The following PARPBP variants were observed in gnomAD, a reference collection of about 807,000 sequenced individuals.
The protein encoded by PARPBP is PCNA-interacting partner.
In PARPBP, 52 loss-of-function variants were observed where a neutral mutation model predicts 50.0. The ratio of observed to expected loss-of-function variants is 1.04; its 90% CI spans 0.83 to 1.31. PARPBP has a LOEUF of 1.31. PARPBP is among the 50% of genes most tolerant of loss of function. The pLI, the probability that PARPBP is intolerant of heterozygous loss-of-function variation, is 0.00. For missense variants in PARPBP, 697 were observed against 672.0 expected (o/e 1.04, Z -0.41); for synonymous variants, 244 against 232.1 (o/e 1.05, Z -0.47).
Position 102,197,052 on chromosome 12 carries a change from A to T in PARPBP, c.*761A>T, listed in dbSNP as rs1891373031. 2 of 1,612,024 alleles carry T rather than the reference A, an allele frequency of 1.2e-6. No homozygotes were observed. The highest frequency in any genetic ancestry group is 1.7e-6 in the Non-Finnish European group (2 of 1,178,574). ...TTTCTCTCTTTTCTTGTGTTGATTC[A>T]GTATTCTGAACTCCATTCTCAGCTG... On this transcript the variant is annotated 3_prime_UTR_variant, in exon 11 of 11. Coordinates refer to ENST00000327680, the MANE Select transcript of PARPBP (RefSeq NM_017915.5).
rs756097326 is a variant in PARPBP, at chr12:102,182,573, G to A, written c.1209G>A (p.Ser403=). The part of the protein sequence containing the change: ...LFRSPTQVNN[S]IKPLRERICV... ...GGTCTCCCACACAGGTGAATAATTC[G>A]ATAAAACCCCTAAGAGAACGCATCT... Residue 403 remains serine, a synonymous_variant, in exon 9 of 11, where the codon TCG becomes TCA. Transcript: ENST00000327680. 70 of 1,609,002 alleles carry A rather than the reference G, an allele frequency of 4.4e-5. No homozygotes were observed. Among genetic ancestry groups the A allele is most frequent in the Non-Finnish European group, 5.6e-5 (66 of 1,177,754 alleles).
At position 102,167,788 on chromosome 12, in the gene PARPBP, C is replaced by G. The variant is rs149702445; in HGVS notation, c.821+1905C>G. Among the ~76,000 whole-genome samples, 388 of 152,214 alleles carry G rather than the reference C, an allele frequency of 2.5e-3. 3 individuals carry two copies. The highest frequency in any genetic ancestry group is 8.8e-3 in the African/African-American group (364 of 41,540). ...AGTCCTGCTGCCCCTGGGTCTGGAG[C>G]CTCTCATAGTTTCTTTAGAACAGTT... is the stretch of plus-strand genomic sequence containing the variant. On this transcript the variant is annotated intron_variant, in intron 6 of 10. Coordinates refer to ENST00000327680, the MANE Select transcript of PARPBP (RefSeq NM_017915.5).
rs1887924852 is a variant in PARPBP at position 102,164,495 on chromosome 12, A to G, written c.553A>G (p.Lys185Glu). ...FSYLNLLVNS[K>E]NDLAVAYILN... Reference sequence around the variant, plus strand: ...ATATTTAAATCTGCTAGTGAATTCAAAGAATGACCTGGCTGTGGCTTATAT... The same window carrying G: ...ATATTTAAATCTGCTAGTGAATTCAGAGAATGACCTGGCTGTGGCTTATAT... The change falls in exon 5 of 11, where the codon AAG (lysine) becomes GAG (glutamate). Residue 185 changes from lysine to glutamate, a missense_variant. Transcript: ENST00000327680. 5 of 1,612,842 alleles carry G rather than the reference A, an allele frequency of 3.1e-6. No individual in the cohort carries two copies. The East Asian group carries it at 1.1e-4, about 36-fold the overall frequency.
intron 9 of PARPBP, among the ~76,000 whole-genome samples, chr12:102,189,446 G>A (rs1890601426): frequency 6.6e-6 from 1 of 152,208 alleles, no homozygotes; most frequent in South Asian, 2.1e-4. Context: ...CTCTTGAAAT[G>A]TGGCCACTGC....
chr12:102,168,271 C>T (rs544152496), intron 6 of PARPBP, among the ~76,000 whole-genome samples: 1 of 152,238 alleles, frequency 6.6e-6, no homozygotes, highest in South Asian at 2.1e-4. Context: ...GGAGGAATTT[C>T]TGGTTGTGGT....
chr12:102,188,753 G>A (rs1411755767), intron 9 of PARPBP, among the ~76,000 whole-genome samples: 2 of 151,978 alleles, frequency 1.3e-5, no homozygotes, highest in African/African-American at 4.8e-5. Context: ...GAATCAGAAA[G>A]AAATTAACTT....
chr12:102,137,703 G>A (rs1461433183), intron 2 of PARPBP, among the ~76,000 whole-genome samples: 1 of 150,624 alleles, frequency 6.6e-6, no homozygotes. Context: ...CCCTTCCTGT[G>A]TCCATGTGTT....
chr12:102,121,429 C>T (rs543933553), intron 1 of PARPBP, among the ~76,000 whole-genome samples: 3 of 151,954 alleles, frequency 2.0e-5, no homozygotes, highest in Admixed American at 6.5e-5. Flanking sequence ...TATTTTCACA[C>T]TAGAAGGTCA....
intron 7 of PARPBP, among the ~76,000 whole-genome samples, chr12:102,176,902 A>T (rs1889342137): frequency 6.6e-6 from 1 of 152,190 alleles, no homozygotes; most frequent in African/African-American, 2.4e-5. Context: ...GTTTGGCTCA[A>T]ATGACAACCA....
chr12:102,150,123 G>T (rs916125527), intron 3 of PARPBP: 7 of 404,704 alleles, frequency 1.7e-5, no homozygotes, highest in Non-Finnish European at 3.4e-5. Context: ...TTGTCTCTGT[G>T]GGATACTCTC....
intron 9 of PARPBP, among the ~76,000 whole-genome samples, chr12:102,188,669 C>G (rs1190659356): frequency 6.6e-6 from 1 of 151,910 alleles, no homozygotes; most frequent in Non-Finnish European, 1.5e-5. Flanking sequence ...ATGATTTGTC[C>G]TTTAATAAAG....
chr12:102,168,080 G>C (rs1011906796), intron 6 of PARPBP, among the ~76,000 whole-genome samples: 1 of 151,964 alleles, frequency 6.6e-6, no homozygotes, highest in African/African-American at 2.4e-5. Flanking sequence ...TCATTTTTTT[G>C]TACTTTGATG....
rs367861502 is a variant in PARPBP, at chr12:102,122,346, C to T, written c.-3-1540C>T. The stretch of plus-strand genomic sequence containing the variant: ...TTCTACCTGTATCTTTAAGTTGCAT[C>T]ATAGATTGTGTCTATAATTTAATTA... On this transcript the variant is annotated intron_variant, in intron 1 of 10. Transcript: ENST00000327680. 2.0e-5 allele frequency among the ~76,000 whole-genome samples: 3 copies of T among 152,270 alleles called. No homozygotes were observed. The East Asian group carries it at 5.8e-4, about 29-fold the overall frequency.
At chr12:102,124,706 A>G (rs1477556640) in intron 2 of PARPBP, among the ~76,000 whole-genome samples, 2 of 152,246 alleles carry the variant, frequency 1.3e-5, no homozygotes, top group Non-Finnish European at 2.9e-5. Context: ...TGGCAAAGAT[A>G]CTGGCTTGAC....
intron 4 of PARPBP, chr12:102,154,922 G>T (rs2102476): frequency 0.25 from 106,139 of 420,410 alleles, 14,442 homozygotes; most frequent in East Asian, 0.44. Context: ...CCTATGAGAC[G>T]TCATCTACAT....
chr12:102,151,674 G>A (rs1287985459), intron 3 of PARPBP: 2 of 1,535,554 alleles, frequency 1.3e-6, no homozygotes, highest in African/African-American at 1.4e-5. Context: ...CATTGACTCT[G>A]GAGCGGCAGA....
At chr12:102,161,496 GA>G (rs1285084547) in intron 4 of PARPBP, among the ~76,000 whole-genome samples, 3 of 152,150 alleles carry the variant, frequency 2.0e-5, no homozygotes, top group Admixed American at 2.0e-4. Context: ...ATCATTGAAT[GA>G]AAACTCATTG....
intron 2 of PARPBP, among the ~76,000 whole-genome samples, chr12:102,134,755 G>A (rs923467957): frequency 2.6e-5 from 4 of 152,132 alleles, no homozygotes; most frequent in Non-Finnish European, 4.4e-5. Flanking sequence ...ATTGTTCACT[G>A]CAACCTCGAC....
intron 2 of PARPBP, among the ~76,000 whole-genome samples, chr12:102,141,377 G>T (rs1195615627): frequency 2.0e-5 from 3 of 151,564 alleles, no homozygotes; most frequent in African/African-American, 4.9e-5. Flanking sequence ...GCCTATATGT[G>T]TCTCTGCATG....
Sources: allele counts gnomAD v4.1 joint callset (sites outside exome capture counted in the v4.1 genomes callset), GRCh38; gene constraint gnomAD v4.1.1; transcripts MANE v1.5; gene names NCBI Gene and HGNC (gene_info 2026-07-23, HGNC 2026-07-21).